The following CBLB variants were observed in gnomAD, a reference collection of about 807,000 sequenced individuals.
CBLB encodes E3 ubiquitin-protein ligase CBL-B.
In CBLB, 31 loss-of-function variants were observed where a neutral mutation model predicts 104.9. That is an observed-to-expected ratio of 0.30 (90% CI 0.22 to 0.40). CBLB has a LOEUF of 0.40. Among genes scored for constraint, CBLB ranks in the 10% least tolerant of loss-of-function variants. The probability of loss-of-function intolerance (pLI) is 1.00; values close to 1 mark genes in which losing one functional copy is unlikely to be tolerated. For synonymous variants in CBLB, 440 were observed against 422.6 expected (o/e 1.04, Z -0.51); for missense variants, 1,062 against 1,214.6 (o/e 0.87, Z 1.87).
intron 4 of CBLB, among the ~76,000 whole-genome samples, chr3:105,765,385 T>C (rs1560143042): frequency 6.6e-6 from 1 of 152,164 alleles, no homozygotes; most frequent in East Asian, 1.9e-4. Flanking sequence ...CTTTCTACCA[T>C]GTGAGGATAT....
At chr3:105,813,685 T>C (rs986608423) in intron 3 of CBLB, among the ~76,000 whole-genome samples, 1 of 152,198 alleles carries the variant, frequency 6.6e-6, no homozygotes, top group Non-Finnish European at 1.5e-5. Context: ...AAATATTAGA[T>C]ATATATTTTT....
chr3:105,733,014 T>C (rs535413599), intron 9 of CBLB, among the ~76,000 whole-genome samples: 49 of 152,222 alleles, frequency 3.2e-4, no homozygotes, highest in Non-Finnish European at 6.5e-4. Context: ...TACTCAAAAC[T>C]GGAAATCTGT....
At chr3:105,834,854 C>T (rs891489424) in intron 3 of CBLB, among the ~76,000 whole-genome samples, 3 of 152,120 alleles carry the variant, frequency 2.0e-5, no homozygotes, top group African/African-American at 7.2e-5. Flanking sequence ...TCACAAGATA[C>T]CCTATATTCT....
intron 3 of CBLB, among the ~76,000 whole-genome samples, chr3:105,801,695 T>C (rs1352930332): frequency 6.6e-6 from 1 of 152,258 alleles, no homozygotes; most frequent in Non-Finnish European, 1.5e-5. Flanking sequence ...TCCTTTGCAA[T>C]CTGTTGTTGT....
At chr3:105,831,947 G>A (rs1038434556) in intron 3 of CBLB, among the ~76,000 whole-genome samples, 16 of 151,966 alleles carry the variant, frequency 1.1e-4, no homozygotes, top group Non-Finnish European at 2.1e-4. Flanking sequence ...ATACACAGAG[G>A]GATACTGAAC....
At chr3:105,801,729 A>G (rs972756107) in intron 3 of CBLB, among the ~76,000 whole-genome samples, 1 of 152,366 alleles carries the variant, frequency 6.6e-6, no homozygotes, top group Admixed American at 6.5e-5. Context: ...GCAAGTTACA[A>G]TTCTAAGCTA....
intron 12 of CBLB, among the ~76,000 whole-genome samples, chr3:105,696,389 A>G (rs1488819313): frequency 1.3e-5 from 2 of 151,818 alleles, no homozygotes; most frequent in African/African-American, 4.8e-5. Context: ...ATTTCTTTAC[A>G]CCCAAAAATC....
chr3:105,693,912 T>C (rs1215779876), intron 12 of CBLB, among the ~76,000 whole-genome samples: 2 of 152,048 alleles, frequency 1.3e-5, no homozygotes, highest in Admixed American at 6.6e-5. Context: ...TCAGTTTTTA[T>C]TGAAAAGTTA....
At position 105,704,162 on chromosome 3, in the gene CBLB, C is replaced by T; in HGVS notation, c.1419G>A (p.Arg473=). The T allele has an allele frequency of 6.2e-7, 1 of 1,613,930 alleles. No homozygotes were observed. The highest frequency in any genetic ancestry group is 8.5e-7 in the Non-Finnish European group (1 of 1,179,948). Residue 473 remains arginine, a synonymous_variant, in exon 11 of 19, where the codon AGG becomes AGA. Transcript: ENST00000394030. ...RLANVRKCTD[R]QNSPVTSPGS... is the part of the protein sequence containing the mutation. The stretch of plus-strand genomic sequence containing the variant: ...CTGGTGATGTGACTGGTGAGTTCTG[C>T]CTGTCAGTGCACTAGAACAGAAAAA...
chr3:105,735,899 T>A (rs2074882472), intron 8 of CBLB, among the ~76,000 whole-genome samples: 1 of 152,118 alleles, frequency 6.6e-6, no homozygotes, highest in Non-Finnish European at 1.5e-5. Flanking sequence ...TGAGCCGAGA[T>A]CGCGTCACTG....
intron 3 of CBLB, among the ~76,000 whole-genome samples, chr3:105,782,182 A>G (rs2080337465): frequency 6.6e-6 from 1 of 152,152 alleles, no homozygotes; most frequent in Admixed American, 6.5e-5. Context: ...ATCCTTACCC[A>G]TTCCCCCTGC....
At chr3:105,728,083 G>A (rs937209914) in intron 9 of CBLB, among the ~76,000 whole-genome samples, 25 of 152,188 alleles carry the variant, frequency 1.6e-4, no homozygotes, top group Admixed American at 1.2e-3. Context: ...TGTGAAGAAA[G>A]TCAATGGTAG....
intron 4 of CBLB, among the ~76,000 whole-genome samples, chr3:105,768,929 A>G (rs1397396213): frequency 6.6e-6 from 1 of 152,240 alleles, no homozygotes; most frequent in African/African-American, 2.4e-5. Flanking sequence ...GATCATTTAA[A>G]AAGAGATCAA....
At chr3:105,686,725 T>C (rs2067055487) in intron 13 of CBLB, among the ~76,000 whole-genome samples, 1 of 152,092 alleles carries the variant, frequency 6.6e-6, no homozygotes, top group Admixed American at 6.5e-5. Context: ...ATTTTTCAAG[T>C]GTATGTTTAT....
intron 12 of CBLB, among the ~76,000 whole-genome samples, chr3:105,699,919 G>A (rs997539318): frequency 6.6e-6 from 1 of 152,044 alleles, no homozygotes; most frequent in Non-Finnish European, 1.5e-5. Context: ...TATTAGCATT[G>A]CAATATAAAT....
chr3:105,847,712 T>G (rs1258615219), intron 3 of CBLB, among the ~76,000 whole-genome samples: 1 of 151,974 alleles, frequency 6.6e-6, no homozygotes, highest in African/African-American at 2.4e-5. Context: ...AATCTCAGTA[T>G]CCTTCGGCCA....
intron 3 of CBLB, among the ~76,000 whole-genome samples, chr3:105,788,223 C>A (rs2081245315): frequency 6.6e-6 from 1 of 152,160 alleles, no homozygotes; most frequent in African/African-American, 2.4e-5. Context: ...ATCTCACTGA[C>A]TGCAAAGACA....
At chr3:105,758,546 C>T (rs558634233) in intron 4 of CBLB, among the ~76,000 whole-genome samples, 1 of 152,196 alleles carries the variant, frequency 6.6e-6, no homozygotes, top group African/African-American at 2.4e-5. Flanking sequence ...ACTGACTCAA[C>T]CTGGCGGGCC....
At chr3:105,749,403 A>G (rs1170075290) in intron 5 of CBLB, among the ~76,000 whole-genome samples, 9 of 152,330 alleles carry the variant, frequency 5.9e-5, no homozygotes, top group East Asian at 1.9e-4. Flanking sequence ...GTGAAAGTAA[A>G]TAAGATATAT....
Sources: allele counts gnomAD v4.1 joint callset (sites outside exome capture counted in the v4.1 genomes callset), GRCh38; gene constraint gnomAD v4.1.1; transcripts MANE v1.5; gene names NCBI Gene and HGNC (gene_info 2026-07-23, HGNC 2026-07-21).